PDLIM5: variants seen among roughly 807,000 people sequenced by gnomAD.
The protein encoded by PDLIM5 is PDZ and LIM domain 5.
PDLIM5 carries 34 observed loss-of-function variants against 64.2 expected under a neutral mutation model. The observed-to-expected ratio is 0.53, with a 90% CI of 0.40 to 0.71. The LOEUF (loss-of-function observed/expected upper bound fraction) is 0.71, where lower values mean the gene tolerates loss of function less well. Among genes scored for constraint, PDLIM5 ranks in the 30% least tolerant of loss-of-function variants. PDLIM5 has a pLI of 0.00. For synonymous variants in PDLIM5, 253 were observed against 269.1 expected, an observed-to-expected ratio of 0.94 and a Z score of 0.59; for missense variants, 683 against 733.6, an observed-to-expected ratio of 0.93 and a Z score of 0.80.
chr4:94,632,189 G>A (rs542575615), intron 8 of PDLIM5, among the ~76,000 whole-genome samples: 4 of 152,348 alleles, frequency 2.6e-5, no homozygotes, highest in South Asian at 4.1e-4. Context: ...AACTCAGTAA[G>A]GGCAGAAATC....
intron 8 of PDLIM5, among the ~76,000 whole-genome samples, chr4:94,634,780 T>A (rs1937238040): frequency 1.3e-5 from 2 of 152,286 alleles, no homozygotes; most frequent in South Asian, 4.1e-4. Context: ...CCCACTTTAT[T>A]CTTAATCCGG....
chr4:94,461,418 C>T (rs1339525126), intron 2 of PDLIM5, among the ~76,000 whole-genome samples: 2 of 152,064 alleles, frequency 1.3e-5, no homozygotes, highest in Non-Finnish European at 2.9e-5. Context: ...TTTAGGTATT[C>T]TATGTGTTGG....
chr4:94,477,993 C>T (rs1185436907), intron 2 of PDLIM5, among the ~76,000 whole-genome samples: 2 of 152,130 alleles, frequency 1.3e-5, no homozygotes, highest in Non-Finnish European at 2.9e-5. Flanking sequence ...CACAGTGGCT[C>T]ACGCCTGTAA....
At chr4:94,558,412 TA>T (rs1415808226) in intron 3 of PDLIM5, among the ~76,000 whole-genome samples, 3 of 152,172 alleles carry the variant, frequency 2.0e-5, no homozygotes, top group Admixed American at 6.6e-5. Context: ...AAGGCATAGA[TA>T]AAAAAGGCTA....
intron 2 of PDLIM5, among the ~76,000 whole-genome samples, chr4:94,493,174 A>T (rs530742832): frequency 1.1e-4 from 17 of 152,308 alleles, no homozygotes; most frequent in African/African-American, 4.1e-4. Flanking sequence ...AGAAATTGCT[A>T]TTCGGATCTT....
rs189566294 is a variant in PDLIM5, at chr4:94,489,864, C to T, written c.97-33860C>T. Among the ~76,000 whole-genome samples the T allele has an allele frequency of 4.0e-3, 602 of 152,188 alleles. 5 individuals carry two copies. The highest frequency in any genetic ancestry group is 0.014 in the African/African-American group (566 of 41,538). The stretch of plus-strand genomic sequence containing the variant: ...CAGCACTTTTGTCTTCATTTGGTTG[C>T]TCTAATATGCTCCAACTTCCCCCAC... On this transcript the variant is annotated intron_variant, in intron 2 of 12. Coordinates refer to ENST00000317968, the MANE Select transcript of PDLIM5 (RefSeq NM_006457.5).
chr4:94,474,498 A>G (rs924764163), intron 2 of PDLIM5, among the ~76,000 whole-genome samples: 5 of 152,068 alleles, frequency 3.3e-5, no homozygotes, highest in African/African-American at 1.2e-4. Context: ...TGATCTGCCC[A>G]CCTTGGCTTC....
intron 3 of PDLIM5, among the ~76,000 whole-genome samples, chr4:94,554,334 T>C (rs917084555): frequency 6.6e-6 from 1 of 152,204 alleles, no homozygotes; most frequent in African/African-American, 2.4e-5. Flanking sequence ...GTTACACATA[T>C]ATTGAAAAAC....
chr4:94,606,944 C>A (rs1469886631), intron 7 of PDLIM5, among the ~76,000 whole-genome samples: 5 of 152,210 alleles, frequency 3.3e-5, no homozygotes, highest in African/African-American at 1.2e-4. Flanking sequence ...ATTTTCTTAA[C>A]CATTAACCAT....
intron 2 of PDLIM5, among the ~76,000 whole-genome samples, chr4:94,518,372 A>AT (rs933767918): frequency 5.3e-5 from 8 of 152,174 alleles, no homozygotes; most frequent in African/African-American, 1.9e-4. Context: ...TAAGTTTTCC[A>AT]TTTAGTGCAC....
intron 9 of PDLIM5, among the ~76,000 whole-genome samples, chr4:94,653,584 A>T (rs541344914): frequency 6.6e-6 from 1 of 152,234 alleles, no homozygotes; most frequent in Admixed American, 6.5e-5. Flanking sequence ...CCTTGATACA[A>T]ATGTGTGTTA....
chr4:94,502,688 C>T (rs1728034783), intron 2 of PDLIM5, among the ~76,000 whole-genome samples: 1 of 152,154 alleles, frequency 6.6e-6, no homozygotes, highest in East Asian at 1.9e-4. Context: ...ACCAGCCTGA[C>T]CAGCATGGTG....
intron 7 of PDLIM5, among the ~76,000 whole-genome samples, chr4:94,598,764 TACA>T (rs1252649924): frequency 5.3e-5 from 8 of 152,092 alleles, no homozygotes; most frequent in African/African-American, 2.4e-5. Flanking sequence ...AGTAATATAG[TACA>T]ACATGAATAT....
chr4:94,653,009 T>C (rs2110486120), intron 9 of PDLIM5, among the ~76,000 whole-genome samples: 1 of 152,298 alleles, frequency 6.6e-6, no homozygotes, highest in South Asian at 2.1e-4. Context: ...TATGTTATTG[T>C]CAGAATTTTA....
intron 11 of PDLIM5, among the ~76,000 whole-genome samples, chr4:94,657,850 G>A (rs1357189810): frequency 6.6e-6 from 1 of 152,074 alleles, no homozygotes; most frequent in East Asian, 1.9e-4. Flanking sequence ...GGGAATACAG[G>A]CATGTGCCAC....
At chr4:94,656,508 CACGTGTTA>C (rs1237772835) in intron 10 of PDLIM5, among the ~76,000 whole-genome samples, 1 of 151,328 alleles carries the variant, frequency 6.6e-6, no homozygotes, top group Non-Finnish European at 1.5e-5. Flanking sequence ...AAAGCCTAAA[CACGTGTTA>C]AACTGATTGG....
intron 3 of PDLIM5, among the ~76,000 whole-genome samples, chr4:94,554,790 T>A (rs1302223383): frequency 6.6e-6 from 1 of 152,120 alleles, no homozygotes; most frequent in Non-Finnish European, 1.5e-5. Flanking sequence ...ACAGATACAT[T>A]CTATATCTAT....
intron 8 of PDLIM5, among the ~76,000 whole-genome samples, chr4:94,618,658 A>G (rs994899696): frequency 2.6e-5 from 4 of 152,362 alleles, no homozygotes; most frequent in Middle Eastern, 3.4e-3. Context: ...ACACAGTACT[A>G]GAAAGAGCAT....
chr4:94,542,218 A>G (rs1731868520), intron 3 of PDLIM5, among the ~76,000 whole-genome samples: 1 of 152,106 alleles, frequency 6.6e-6, no homozygotes, highest in Non-Finnish European at 1.5e-5. Context: ...AGGCTGAGGC[A>G]TGAGAATTGC....
Sources: allele counts gnomAD v4.1 joint callset (sites outside exome capture counted in the v4.1 genomes callset), GRCh38; gene constraint gnomAD v4.1.1; transcripts MANE v1.5; gene names NCBI Gene and HGNC (gene_info 2026-07-23, HGNC 2026-07-21).